Variants in PIEZO2 observed in about 807,000 individuals in gnomAD.
PIEZO2 encodes piezo type mechanosensitive ion channel component 2.
Under a neutral mutation model 337.3 loss-of-function variants are expected in PIEZO2, and 172 were observed. The observed-to-expected ratio is 0.51, with a 90% CI of 0.45 to 0.58. The LOEUF (loss-of-function observed/expected upper bound fraction) is 0.58. PIEZO2 is among the 20% of genes least tolerant of loss of function. PIEZO2 has a pLI of 0.00. For missense variants in PIEZO2, 3,028 were observed against 3,391.3 expected, an observed-to-expected ratio of 0.89 and a Z score of 2.66; for synonymous variants, 1,251 against 1,228.5, an observed-to-expected ratio of 1.02 and a Z score of -0.38.
rs2033355954 is a variant in PIEZO2 at position 10,952,782 on chromosome 18, T to C, written c.286+26753A>G. ...GGAAGATTATTTTTCAAAGTGTCTATATAATTGTACATTCCCGCCAGAAAT... is the reference window on the plus strand; with the variant it reads ...GGAAGATTATTTTTCAAAGTGTCTACATAATTGTACATTCCCGCCAGAAAT... On this transcript the variant is annotated intron_variant, in intron 3 of 55. Coordinates refer to ENST00000674853, the MANE Select transcript of PIEZO2 (RefSeq NM_001378183.1). This position sits in a 1 kb window ranked among gnomAD's most constrained non-coding sequence, Gnocchi z 4.1. Among the ~76,000 whole-genome samples, 1 of 152,188 alleles carries C rather than the reference T, an allele frequency of 6.6e-6. No homozygotes were observed. The highest frequency in any genetic ancestry group is 1.5e-5 in the Non-Finnish European group (1 of 68,036).
intron 3 of PIEZO2, among the ~76,000 whole-genome samples, chr18:10,921,444 T>C (rs1379493763): frequency 1.3e-5 from 2 of 152,170 alleles, no homozygotes; most frequent in African/African-American, 2.4e-5. Context: ...TAAGCTTAAA[T>C]TGTAAAGATT....
intron 7 of PIEZO2, among the ~76,000 whole-genome samples, chr18:10,810,085 T>C (rs542616342): frequency 3.4e-4 from 52 of 152,366 alleles, no homozygotes; most frequent in East Asian, 2.1e-3. Flanking sequence ...TGATAATGTA[T>C]ACAAATGTAT....
intron 1 of PIEZO2, among the ~76,000 whole-genome samples, chr18:11,113,260 C>A (rs770300750): frequency 6.6e-6 from 1 of 152,198 alleles, no homozygotes; most frequent in African/African-American, 2.4e-5. Flanking sequence ...AGATGCACAC[C>A]GTATTTACCT....
chr18:10,722,092 A>C (rs62095603), intron 36 of PIEZO2, among the ~76,000 whole-genome samples: 29,369 of 150,592 alleles, frequency 0.2, 3,124 homozygotes, highest in South Asian at 0.29. Flanking sequence ...CGGAGGTTGC[A>C]ATGAGCTGAT....
chr18:11,132,452 G>A lies in PIEZO2; in HGVS notation c.64+16073C>T, dbSNP rs1449195878. 6.6e-6 allele frequency among the ~76,000 whole-genome samples: 1 copy of A among 152,048 alleles called. No homozygotes were observed. The highest frequency in any genetic ancestry group is 1.5e-5 in the Non-Finnish European group (1 of 68,016). On this transcript the variant is annotated intron_variant, in intron 1 of 55. Coordinates refer to ENST00000674853, the MANE Select transcript of PIEZO2 (RefSeq NM_001378183.1). The surrounding 1 kb of genome is among the most constrained non-coding windows in gnomAD (Gnocchi z 4.7). ...AGGTAACAGTACTTTGCAGGGCTGG[G>A]GCAAAGTTCTCCAGAAGGCCGTGTA...
chr18:10,820,315 GTCC>G (rs2040485112), intron 7 of PIEZO2, among the ~76,000 whole-genome samples: 1 of 149,906 alleles, frequency 6.7e-6, no homozygotes. Flanking sequence ...TTTTGAAGCT[GTCC>G]TATAGCTTAT....
chr18:10,680,704 C>A (rs180707636), intron 51 of PIEZO2, among the ~76,000 whole-genome samples: 1 of 152,266 alleles, frequency 6.6e-6, no homozygotes, highest in Admixed American at 6.5e-5. Context: ...TATGGGGGAA[C>A]GTCTCTGTCA....
At chr18:10,725,151 G>A (rs1343914636) in intron 36 of PIEZO2, 1 of 1,470,072 alleles carries the variant, frequency 6.8e-7, no homozygotes, top group East Asian at 2.3e-5. Flanking sequence ...CTGTGCTGAA[G>A]TACTGCGAGG....
At chr18:11,056,234 G>A (rs1476787140) in intron 2 of PIEZO2, among the ~76,000 whole-genome samples, 4 of 152,178 alleles carry the variant, frequency 2.6e-5, no homozygotes, top group Non-Finnish European at 5.9e-5. Context: ...CCGGGGAAGA[G>A]AAGTTTGTGT....
rs377169805 is a variant in PIEZO2 at position 10,915,264 on chromosome 18, G to A, written c.287-4036C>T. 3.3e-4 allele frequency among the ~76,000 whole-genome samples: 45 copies of A among 137,580 alleles called. No individual in the cohort carries two copies. The East Asian group carries it at 6.7e-3, about 21-fold the overall frequency. The allele number at this position is 137,580 out of a possible 152,430, so 90.3% of individuals were successfully genotyped here. ...GGTCACGTGTGCAGAGGGAAGCAGG[G>A]ATGGAGAGAGGAGGCTGACCCCTCA... On this transcript the variant is annotated intron_variant, in intron 3 of 55. Coordinates refer to ENST00000674853, the MANE Select transcript of PIEZO2 (RefSeq NM_001378183.1).
chr18:10,790,705 C>CT lies in PIEZO2; in HGVS notation c.1882+495dup, dbSNP rs34016331. ...TCACCTTCGTGAGGATCAAATGGCACTTTTTTTTTTTTTTTTTTGAGAGGG... is the reference window on the plus strand; with the variant it reads ...TCACCTTCGTGAGGATCAAATGGCACTTTTTTTTTTTTTTTTTTTGAGAGGG... On this transcript the variant is annotated intron_variant, in intron 14 of 55. Transcript: ENST00000674853. 3.8e-3 allele frequency among the ~76,000 whole-genome samples: 491 copies of CT among 127,872 alleles called. 8 individuals carry two copies. Among genetic ancestry groups the CT allele is most frequent in the African/African-American group, 9.4e-3 (321 of 34,024 alleles). The allele number at this position is 127,872 out of a possible 152,430, so 83.9% of individuals were successfully genotyped here.
At chr18:10,769,225 C>T (rs557014826) in intron 21 of PIEZO2, among the ~76,000 whole-genome samples, 7 of 152,304 alleles carry the variant, frequency 4.6e-5, no homozygotes, top group South Asian at 2.1e-4. Flanking sequence ...TTAACGTATA[C>T]GCCCAGTGAC....
chr18:10,855,593 G>T lies in PIEZO2; in HGVS notation c.704-27C>A. The stretch of plus-strand genomic sequence containing the variant: ...TAAGGAAGAGAAACGTAATCACAAA[G>T]TCAGGTAGAACTGGAAATTCACTTA... On this transcript the variant is annotated intron_variant, in intron 6 of 55. Coordinates refer to ENST00000674853, the MANE Select transcript of PIEZO2 (RefSeq NM_001378183.1). This position sits in a 1 kb window ranked among gnomAD's most constrained non-coding sequence, Gnocchi z 4.9. The T allele has an allele frequency of 1.3e-6, 2 of 1,486,366 alleles. No homozygotes were observed. Among genetic ancestry groups the T allele is most frequent in the South Asian group, 1.2e-5 (1 of 82,466 alleles). 92.1% of individuals were successfully genotyped at this position (1,486,366 alleles called of 1,614,324 possible).
rs892690199 is a variant in PIEZO2, at chr18:11,080,222, T to C, written c.65-14000A>G. 6.7e-6 allele frequency among the ~76,000 whole-genome samples: 1 copy of C among 149,378 alleles called. No homozygotes were observed. The highest frequency in any genetic ancestry group is 1.5e-5 in the Non-Finnish European group (1 of 68,010). On this transcript the variant is annotated intron_variant, in intron 1 of 55. Coordinates refer to ENST00000674853, the MANE Select transcript of PIEZO2 (RefSeq NM_001378183.1). This position sits in a 1 kb window ranked among gnomAD's most constrained non-coding sequence, Gnocchi z 5.4. ...AAGGGAAAACTATGGCTTTTTATCT[T>C]TATCATGTTAAAGTTTTTCACGATG...
intron 11 of PIEZO2, 75 bp downstream of exon 11, chr18:10,800,262 A>G: frequency 6.8e-7 from 1 of 1,470,042 alleles, no homozygotes; most frequent in Non-Finnish European, 9.0e-7. Flanking sequence ...AAAATAAGCA[A>G]CAACAACAAA....
intron 3 of PIEZO2, among the ~76,000 whole-genome samples, chr18:10,947,271 T>C (rs1447561461): frequency 6.6e-6 from 1 of 152,162 alleles, no homozygotes; most frequent in African/African-American, 2.4e-5. Flanking sequence ...AGAGAAATGA[T>C]GCATTACGTC....
chr18:11,051,007 G>A (rs2037504150), intron 2 of PIEZO2, among the ~76,000 whole-genome samples: 1 of 152,088 alleles, frequency 6.6e-6, no homozygotes, highest in African/African-American at 2.4e-5. Flanking sequence ...TGGGGGCAAG[G>A]CCTGAAAGGG....
rs184747867 is a variant in PIEZO2, at chr18:10,903,539, G to A, written c.329+7647C>T. 2.1e-3 allele frequency among the ~76,000 whole-genome samples: 327 copies of A among 152,104 alleles called. 3 individuals are homozygous for A. The highest frequency in any genetic ancestry group is 4.0e-3 in the Non-Finnish European group (273 of 67,986). On this transcript the variant is annotated intron_variant, in intron 4 of 55. Coordinates refer to ENST00000674853, the MANE Select transcript of PIEZO2 (RefSeq NM_001378183.1). The surrounding 1 kb of genome is among the most constrained non-coding windows in gnomAD (Gnocchi z 4.1). The stretch of plus-strand genomic sequence containing the variant: ...AAAAAAATTAGCTGGGCATAGTGGC[G>A]CGCTCCTGTAGTCCCAGCTACTTGG...
intron 34 of PIEZO2, 102 bp downstream of exon 34, chr18:10,736,502 A>G: frequency 6.9e-7 from 1 of 1,441,440 alleles, no homozygotes; most frequent in Non-Finnish European, 9.2e-7. Context: ...TCGGGGAGCT[A>G]TGACATATGA....
Sources: gnomAD v4.1 joint callset for allele counts (sites outside exome capture counted in the v4.1 genomes callset) on GRCh38, gnomAD v4.1.1 for gene constraint, Gnocchi (gnomAD v3.1) non-coding constraint, MANE v1.5 for transcripts, NCBI Gene and HGNC (gene_info 2026-07-23, HGNC 2026-07-21) for gene names.